Variants in NEBL observed in about 807,000 individuals in gnomAD.
NEBL encodes the protein nebulette.
Under a neutral mutation model 140.2 loss-of-function variants are expected in NEBL, and 122 were observed. That is an observed-to-expected ratio of 0.87 (90% confidence interval 0.75 to 1.01). The LOEUF (loss-of-function observed/expected upper bound fraction) is 1.01, where lower values mean the gene tolerates loss of function less well. Ranked by LOEUF, NEBL falls within the 50% of genes least tolerant of loss-of-function variation. The pLI is 0.00. For missense variants in NEBL, 1,365 were observed against 1,231.3 expected, an observed-to-expected ratio of 1.11 and a Z score of -1.62; for synonymous variants, 436 against 398.9, an observed-to-expected ratio of 1.09 and a Z score of -1.11.
At chr10:21,059,055 A>G (rs1835163796) in intron 2 of NEBL, among the ~76,000 whole-genome samples, 1 of 152,262 alleles carries the variant, frequency 6.6e-6, no homozygotes, top group Non-Finnish European at 1.5e-5. Context: ...GTTATTATAA[A>G]TGATTTAAAA....
chr10:20,967,940 A>T lies in NEBL; in HGVS notation c.250-6161T>A, dbSNP rs1268634698. On this transcript the variant is annotated intron_variant, in intron 3 of 6. Transcript: ENST00000417816. The stretch of plus-strand genomic sequence containing the variant: ...GATGCAGAAACTGAGGAACCCAGAG[A>T]TTAGACAAAAAACATGAGTGGGAGA... 2.6e-5 allele frequency among the ~76,000 whole-genome samples: 4 copies of T among 152,334 alleles called. No individual in the cohort carries two copies. The East Asian group carries it at 7.7e-4, about 29-fold the overall frequency.
intron 2 of NEBL, among the ~76,000 whole-genome samples, chr10:21,150,586 T>G (rs952070380): frequency 6.6e-6 from 1 of 152,172 alleles, no homozygotes; most frequent in African/African-American, 2.4e-5. Context: ...TTGGCAAATA[T>G]AAAAATGAGA....
chr10:21,010,914 T>G (rs537672455), intron 3 of NEBL, among the ~76,000 whole-genome samples: 1 of 152,190 alleles, frequency 6.6e-6, no homozygotes, highest in Non-Finnish European at 1.5e-5. Flanking sequence ...TTCCCTCAAA[T>G]CTATGTGACC....
intron 3 of NEBL, among the ~76,000 whole-genome samples, chr10:20,962,244 T>C (rs1300111694): frequency 6.6e-6 from 1 of 152,242 alleles, no homozygotes; most frequent in Non-Finnish European, 1.5e-5. Context: ...TGAAAAAGCC[T>C]CATTTTGAGC....
At chr10:21,176,240 C>T (rs1048538499), upstream of NEBL, among the ~76,000 whole-genome samples, 7 of 152,032 alleles carry the variant, frequency 4.6e-5, no homozygotes, top group Non-Finnish European at 7.4e-5. Context: ...TGGGCTCAAG[C>T]GATCCTCCCA....
intron 26 of NEBL, among the ~76,000 whole-genome samples, chr10:20,794,363 G>A (rs1836298721): frequency 6.6e-6 from 1 of 152,114 alleles, no homozygotes; most frequent in African/African-American, 2.4e-5. Flanking sequence ...TTAGCTAAAT[G>A]TTATTTCTAT....
At chr10:21,284,651 T>C (rs761384150) in intron 1 of NEBL, among the ~76,000 whole-genome samples, 1 of 152,196 alleles carries the variant, frequency 6.6e-6, no homozygotes, top group African/African-American at 2.4e-5. Flanking sequence ...GCAAATTTTA[T>C]TGTATTTCAC....
intron 24 of NEBL, among the ~76,000 whole-genome samples, chr10:20,812,502 G>A (rs1229478283): frequency 7.1e-6 from 1 of 139,866 alleles, no homozygotes; most frequent in African/African-American, 2.7e-5. Context: ...CCTGGTGTGT[G>A]ATACAAGGAG....
intron 14 of NEBL, among the ~76,000 whole-genome samples, chr10:20,834,362 T>G (rs1840689840): frequency 6.6e-6 from 1 of 152,162 alleles, no homozygotes; most frequent in South Asian, 2.1e-4. Flanking sequence ...AAAGCAGGTT[T>G]TCAAGTTCCT....
intron 14 of NEBL, among the ~76,000 whole-genome samples, chr10:20,832,064 C>T (rs1348585108): frequency 2.0e-5 from 3 of 152,136 alleles, no homozygotes; most frequent in Non-Finnish European, 4.4e-5. Context: ...TTCGGTGAGA[C>T]TGGCTCAAAT....
intron 10 of NEBL, among the ~76,000 whole-genome samples, chr10:20,850,776 TATAG>T (rs1187618264): frequency 1.3e-5 from 2 of 152,208 alleles, no homozygotes; most frequent in African/African-American, 4.8e-5. Flanking sequence ...GGCTGGAATA[TATAG>T]ATATGTATCG....
intron 2 of NEBL, among the ~76,000 whole-genome samples, chr10:21,123,387 C>T (rs562201662): frequency 4.6e-5 from 7 of 152,248 alleles, no homozygotes; most frequent in African/African-American, 4.8e-5. Flanking sequence ...TGAGGATAAT[C>T]GCTACTTCAT....
intron 2 of NEBL, among the ~76,000 whole-genome samples, chr10:21,100,445 C>T (rs748733449): frequency 8.5e-5 from 13 of 152,314 alleles, no homozygotes; most frequent in Non-Finnish European, 1.8e-4. Context: ...ATCGATGTTG[C>T]TAAGCAACAC....
At chr10:21,274,550 C>T (rs1049830698) in intron 1 of NEBL, among the ~76,000 whole-genome samples, 3 of 152,068 alleles carry the variant, frequency 2.0e-5, no homozygotes, top group Admixed American at 6.6e-5. Flanking sequence ...CTCAGCCTCC[C>T]GAGTAGCTGG....
In NEBL at chr10:21,106,651, A is replaced by T. The variant is rs1194334412; in HGVS notation, c.164+65732T>A. Among the ~76,000 whole-genome samples, 7 of 152,148 alleles carry T rather than the reference A, an allele frequency of 4.6e-5. No individual in the cohort carries two copies. In the South Asian group the frequency reaches 8.3e-4, roughly 18 times the overall value. ...TCCCACTTTGTTCTTTTTGCTTAGG[A>T]TTATCTTGGCTATGTGGGCTCTTTT... On this transcript the variant is annotated intron_variant, in intron 2 of 6. Transcript: ENST00000417816.
At chr10:20,942,757 C>A (rs1000018465) in intron 4 of NEBL, among the ~76,000 whole-genome samples, 5 of 152,084 alleles carry the variant, frequency 3.3e-5, no homozygotes, top group African/African-American at 1.2e-4. Flanking sequence ...AAACAAACAA[C>A]CCCATCAAAA....
chr10:20,877,311 C>G (rs1845595098), intron 5 of NEBL, among the ~76,000 whole-genome samples: 2 of 152,294 alleles, frequency 1.3e-5, no homozygotes, highest in African/African-American at 4.8e-5. Flanking sequence ...GTAACTCATC[C>G]AGGGTCATCC....
chr10:20,808,858 T>C (rs1174675330), intron 25 of NEBL, among the ~76,000 whole-genome samples, 199 bp from the exon 26 acceptor site: 1 of 152,222 alleles, frequency 6.6e-6, no homozygotes, highest in East Asian at 1.9e-4. Flanking sequence ...CATCGTTTTA[T>C]GCTCTTTTAA....
At chr10:21,191,769 T>C (rs1841578425) in intron 3 of NEBL, among the ~76,000 whole-genome samples, 1 of 152,126 alleles carries the variant, frequency 6.6e-6, no homozygotes, top group Admixed American at 6.5e-5. Context: ...AAAAACCAAA[T>C]CTCATCAATT....
Sources: gnomAD v4.1 joint callset for allele counts (sites outside exome capture counted in the v4.1 genomes callset) on GRCh38, gnomAD v4.1.1 for gene constraint, MANE v1.5 for transcripts, NCBI Gene and HGNC (gene_info 2026-07-23, HGNC 2026-07-21) for gene names.